The following DCLK2 variants were observed in gnomAD, a reference collection of about 807,000 sequenced individuals.
DCLK2 encodes the protein serine/threonine-protein kinase DCLK2.
Under a neutral mutation model 78.4 loss-of-function variants are expected in DCLK2, and 31 were observed. That is an observed-to-expected ratio of 0.40 (90% CI 0.30 to 0.53). The LOEUF is 0.53. DCLK2 is among the 20% of genes least tolerant of loss of function. DCLK2 has a pLI of 0.61. For synonymous variants in DCLK2, 407 were observed against 374.9 expected (o/e 1.09, Z -0.99); for missense variants, 872 against 973.7 (o/e 0.90, Z 1.39).
In DCLK2 at chr4:150,079,050, A is replaced by G; in HGVS notation, c.23A>G (p.Glu8Gly). The change falls in exon 1 of 16, where the codon GAG becomes GGG. Residue 8 changes from glutamate (E) to glycine (G), a missense_variant. This residue lies in a region of DCLK2 where 567 missense variants were observed against 593.4 expected (regional missense o/e 0.96). Transcript: ENST00000296550. MASTRSI[E>G]LEHFEERDKR... ...GCGATGGCCAGCACCAGGAGTATCG[A>G]GCTGGAGCACTTTGAGGAACGGGAC... is the stretch of plus-strand genomic sequence containing the variant. 1 of 1,550,860 alleles carries G rather than the reference A, an allele frequency of 6.4e-7. No individual in the cohort carries two copies. Among genetic ancestry groups the G allele is most frequent in the Non-Finnish European group, 8.7e-7 (1 of 1,153,484 alleles).
intron 5 of DCLK2, among the ~76,000 whole-genome samples, chr4:150,216,601 T>C (rs1416289555): frequency 1.3e-5 from 2 of 152,214 alleles, no homozygotes; most frequent in East Asian, 3.9e-4. Flanking sequence ...ATTGTGCCGC[T>C]ACACTCCAGC....
intron 2 of DCLK2, among the ~76,000 whole-genome samples, chr4:150,189,078 C>T (rs1054455984): frequency 6.6e-5 from 10 of 151,898 alleles, no homozygotes; most frequent in Admixed American, 6.6e-4. Context: ...TGAAATATTT[C>T]CTTGTAATAA....
intron 2 of DCLK2, among the ~76,000 whole-genome samples, chr4:150,122,217 GTTGTCAT>G (rs1039926587): frequency 3.3e-5 from 5 of 152,114 alleles, no homozygotes; most frequent in Admixed American, 3.3e-4. Flanking sequence ...TAAATCCTTT[GTTGTCAT>G]TTCAACAATA....
At chr4:150,116,593 G>A (rs1054102204) in intron 2 of DCLK2, among the ~76,000 whole-genome samples, 1 of 152,212 alleles carries the variant, frequency 6.6e-6, no homozygotes, top group Non-Finnish European at 1.5e-5. Flanking sequence ...AAGGGATCCA[G>A]TGATGTGACT....
At chr4:150,138,956 G>C (rs185380109) in intron 2 of DCLK2, among the ~76,000 whole-genome samples, 1 of 151,478 alleles carries the variant, frequency 6.6e-6, no homozygotes, top group Non-Finnish European at 1.5e-5. Context: ...GAGCCACGGC[G>C]CCTGGCCCAT....
At chr4:150,233,914 G>A (rs931038717) in intron 10 of DCLK2, among the ~76,000 whole-genome samples, 5 of 152,074 alleles carry the variant, frequency 3.3e-5, no homozygotes, top group South Asian at 2.1e-4. Flanking sequence ...ACTGGTTGGG[G>A]GATTTGACAT....
chr4:150,110,153 T>C (rs771071125), intron 2 of DCLK2, among the ~76,000 whole-genome samples: 1 of 152,286 alleles, frequency 6.6e-6, no homozygotes, highest in Admixed American at 6.5e-5. Flanking sequence ...TTCCAACAAA[T>C]TATGCAATGT....
chr4:150,157,946 A>G (rs1385072720), intron 2 of DCLK2, among the ~76,000 whole-genome samples: 1 of 152,188 alleles, frequency 6.6e-6, no homozygotes, highest in Non-Finnish European at 1.5e-5. Context: ...TTTTAATTTT[A>G]TTCTAACGAG....
At chr4:150,247,470 A>G (rs1743409785) in intron 12 of DCLK2, 133 bp from the exon 13 acceptor site, 1 of 640,382 alleles carries the variant, frequency 1.6e-6, no homozygotes, top group Non-Finnish European at 2.8e-6. Context: ...GAATTGAGAT[A>G]CATAATTGAG....
chr4:150,105,177 T>TA (rs1731167311), intron 2 of DCLK2, among the ~76,000 whole-genome samples: 1 of 152,102 alleles, frequency 6.6e-6, no homozygotes, highest in Non-Finnish European at 1.5e-5. Context: ...ATAGTTATGT[T>TA]GAAATGGGAA....
intron 5 of DCLK2, among the ~76,000 whole-genome samples, chr4:150,207,800 A>C (rs538838867): frequency 1.3e-5 from 2 of 152,198 alleles, no homozygotes; most frequent in African/African-American, 4.8e-5. Context: ...TAAAGAAAAA[A>C]CACTAATTAT....
At chr4:150,254,831 C>A (rs1192481663) in intron 15 of DCLK2, among the ~76,000 whole-genome samples, 1 of 152,130 alleles carries the variant, frequency 6.6e-6, no homozygotes, top group African/African-American at 2.4e-5. Context: ...AGGTGCACGC[C>A]ACCTTGCCCG....
At chr4:150,229,283 A>C (rs1741860580) in intron 8 of DCLK2, among the ~76,000 whole-genome samples, 2 of 152,160 alleles carry the variant, frequency 1.3e-5, no homozygotes, top group Non-Finnish European at 2.9e-5. Flanking sequence ...AGCTGGGATC[A>C]CACCACTGCA....
intron 8 of DCLK2, among the ~76,000 whole-genome samples, chr4:150,230,029 A>C (rs1157585739): frequency 6.6e-6 from 1 of 152,202 alleles, no homozygotes; most frequent in Admixed American, 6.5e-5. Flanking sequence ...ATTAGTTTCA[A>C]AAGTGGATTG....
chr4:150,197,153 CAA>C (rs56913717), intron 3 of DCLK2, among the ~76,000 whole-genome samples: 11,717 of 126,596 alleles, frequency 0.093, 1,465 homozygotes, highest in African/African-American at 0.3. Flanking sequence ...GACTCCGTCT[CAA>C]AAAAAAAAAA....
At chr4:150,244,599 G>A (rs935508847) in intron 12 of DCLK2, among the ~76,000 whole-genome samples, 2 of 152,226 alleles carry the variant, frequency 1.3e-5, no homozygotes, top group Non-Finnish European at 2.9e-5. Flanking sequence ...AGGCTATATT[G>A]TTTTAGAATT....
intron 2 of DCLK2, among the ~76,000 whole-genome samples, chr4:150,182,010 T>C (rs1737566360): frequency 6.6e-6 from 1 of 152,138 alleles, no homozygotes; most frequent in African/African-American, 2.4e-5. Flanking sequence ...ACCTTTCCTT[T>C]ATTTCAGATA....
chr4:150,117,720 T>A (rs1206887263), intron 2 of DCLK2, among the ~76,000 whole-genome samples: 1 of 152,140 alleles, frequency 6.6e-6, no homozygotes, highest in African/African-American at 2.4e-5. Flanking sequence ...CTAAACCAGC[T>A]CCAGCACTGG....
intron 2 of DCLK2, among the ~76,000 whole-genome samples, chr4:150,135,218 T>G (rs1733610715): frequency 6.6e-6 from 1 of 151,554 alleles, no homozygotes; most frequent in Non-Finnish European, 1.5e-5. Context: ...TCAGGTTGTA[T>G]TTGAGAAAAG....
Sources: gnomAD v4.1 joint callset for allele counts (sites outside exome capture counted in the v4.1 genomes callset) on GRCh38, gnomAD v4.1.1 for gene constraint, gnomAD v4.1.1 regional missense constraint, MANE v1.5 for transcripts, NCBI Gene and HGNC (gene_info 2026-07-23, HGNC 2026-07-21) for gene names.